The following SDC2 variants were observed in gnomAD, a reference collection of about 807,000 sequenced individuals.
SDC2 encodes syndecan 2.
SDC2 carries 13 observed loss-of-function variants against 22.2 expected under a neutral mutation model. The ratio of observed to expected loss-of-function variants is 0.59; its 90% CI spans 0.38 to 0.93. SDC2 has a LOEUF of 0.93. SDC2 is among the 40% of genes least tolerant of loss of function. SDC2 has a pLI of 0.00. For synonymous variants in SDC2, 94 were observed against 92.8 expected, an observed-to-expected ratio of 1.01 and a Z score of -0.07; for missense variants, 235 against 246.8, an observed-to-expected ratio of 0.95 and a Z score of 0.32.
At chr8:96,554,112 A>C (rs1337752100) in intron 1 of SDC2, among the ~76,000 whole-genome samples, 1 of 152,134 alleles carries the variant, frequency 6.6e-6, no homozygotes, top group Non-Finnish European at 1.5e-5. Context: ...AAAGATTCTT[A>C]ATCTGTCTGT....
chr8:96,589,752 C>G (rs1207578802), intron 1 of SDC2, among the ~76,000 whole-genome samples: 1 of 152,130 alleles, frequency 6.6e-6, no homozygotes, highest in Non-Finnish European at 1.5e-5. Flanking sequence ...TGGCAGGGAG[C>G]CAATAAAGGC....
At chr8:96,577,693 A>G (rs1423076519) in intron 1 of SDC2, among the ~76,000 whole-genome samples, 1 of 152,164 alleles carries the variant, frequency 6.6e-6, no homozygotes, top group Non-Finnish European at 1.5e-5. Flanking sequence ...TATCATACAG[A>G]ATAATTTCAC....
intron 3 of SDC2, among the ~76,000 whole-genome samples, 164 bp downstream of exon 3, chr8:96,602,692 G>A (rs985692883): frequency 6.6e-6 from 1 of 152,296 alleles, no homozygotes; most frequent in Non-Finnish European, 1.5e-5. Context: ...TTAAAATTGT[G>A]TAAGGACAAA....
chr8:96,581,220 G>A (rs941976633), intron 1 of SDC2, among the ~76,000 whole-genome samples: 3 of 152,122 alleles, frequency 2.0e-5, no homozygotes, highest in Non-Finnish European at 4.4e-5. Context: ...TGTTTTAAAC[G>A]TATTCTCAAA....
chr8:96,592,858 G>T (rs1212578140), intron 1 of SDC2, among the ~76,000 whole-genome samples: 1 of 152,236 alleles, frequency 6.6e-6, no homozygotes, highest in African/African-American at 2.4e-5. Flanking sequence ...TGTCAGGTGA[G>T]CCTCACGGGC....
intron 2 of SDC2, 109 bp downstream of exon 2, chr8:96,593,700 C>A: frequency 1.5e-6 from 1 of 686,794 alleles, no homozygotes; most frequent in Non-Finnish European, 2.5e-6. Context: ...TGGTTAAGGG[C>A]ACCGTCTTTG....
intron 1 of SDC2, among the ~76,000 whole-genome samples, chr8:96,577,429 G>C (rs890776825): frequency 2.6e-5 from 4 of 152,164 alleles, no homozygotes; most frequent in African/African-American, 7.2e-5. Context: ...TTTTTCGGTA[G>C]AGTCTTAGAT....
intron 1 of SDC2, among the ~76,000 whole-genome samples, chr8:96,547,019 T>A (rs1325249056): frequency 6.6e-6 from 1 of 152,244 alleles, no homozygotes; most frequent in Non-Finnish European, 1.5e-5. Context: ...ACTGGCATTT[T>A]CCACTCAGCC....
Position 96,593,569 on chromosome 8 carries a change from C to G in SDC2, c.150C>G (p.Asp50Glu), listed in dbSNP as rs1310893050. The change falls in exon 2 of 5, where the codon GAC (aspartate) becomes GAG (glutamate). Residue 50 changes from aspartate to glutamate, a missense_variant. Asp to Glu is a conservative substitution (Grantham distance 45). Transcript: ENST00000302190. ...ASGVYPIDDDDYASASGSGAD... is the reference protein window; with the variant it reads ...ASGVYPIDDDEYASASGSGAD... ...GAGTGTATCCTATTGATGACGATGACTACGCTTCTGCGTCTGGCTCGGGTA... is the reference window on the plus strand; with the variant it reads ...GAGTGTATCCTATTGATGACGATGAGTACGCTTCTGCGTCTGGCTCGGGTA... 2 of 1,613,206 alleles carry G rather than the reference C, an allele frequency of 1.2e-6. No individual in the cohort carries two copies. Among genetic ancestry groups the G allele is most frequent in the East Asian group, 4.5e-5 (2 of 44,872 alleles).
chr8:96,499,907 G>A (rs1425394453), intron 1 of SDC2, among the ~76,000 whole-genome samples: 2 of 152,108 alleles, frequency 1.3e-5, no homozygotes, highest in Non-Finnish European at 2.9e-5. Flanking sequence ...TCCTACTCCT[G>A]TGCAGTGCTG....
chr8:96,533,703 G>T (rs1813703931), intron 1 of SDC2, among the ~76,000 whole-genome samples: 1 of 152,172 alleles, frequency 6.6e-6, no homozygotes, highest in Non-Finnish European at 1.5e-5. Flanking sequence ...ACAGAGTGCT[G>T]ATTGGTGTAT....
intron 1 of SDC2, among the ~76,000 whole-genome samples, chr8:96,515,058 A>G (rs1813382618): frequency 6.6e-6 from 1 of 152,230 alleles, no homozygotes; most frequent in South Asian, 2.1e-4. Context: ...GGGTTCTTAT[A>G]GGCTGGCCTT....
chr8:96,508,164 C>CG (rs2130435038), intron 1 of SDC2, among the ~76,000 whole-genome samples: 1 of 152,128 alleles, frequency 6.6e-6, no homozygotes, highest in East Asian at 1.9e-4. Context: ...GGCATGGGGG[C>CG]GGGCGCCTGT....
intron 3 of SDC2, among the ~76,000 whole-genome samples, chr8:96,604,897 G>A (rs1815052422): frequency 6.6e-6 from 1 of 152,158 alleles, no homozygotes; most frequent in Non-Finnish European, 1.5e-5. Context: ...TTACCAAATG[G>A]TATCTTCTTA....
At chr8:96,597,642 A>G (rs1814901873) in intron 2 of SDC2, among the ~76,000 whole-genome samples, 1 of 152,248 alleles carries the variant, frequency 6.6e-6, no homozygotes, top group Non-Finnish European at 1.5e-5. Flanking sequence ...TGCTCGAACA[A>G]TGGCACAAAA....
At chr8:96,495,541 T>C (rs1813059907) in intron 1 of SDC2, among the ~76,000 whole-genome samples, 1 of 152,202 alleles carries the variant, frequency 6.6e-6, no homozygotes, top group African/African-American at 2.4e-5. Context: ...TTTCTGGCCC[T>C]TCTGGTTCCC....
chr8:96,513,767 G>A (rs1251872848), intron 1 of SDC2, among the ~76,000 whole-genome samples: 1 of 152,114 alleles, frequency 6.6e-6, no homozygotes, highest in Non-Finnish European at 1.5e-5. Context: ...TTCCGATCTC[G>A]ACTGAGTAAA....
At position 96,518,309 on chromosome 8, in the gene SDC2, G is replaced by A. The variant is rs374899147; in HGVS notation, c.60+23978G>A. On this transcript the variant is annotated intron_variant, in intron 1 of 4. Coordinates refer to ENST00000302190, the MANE Select transcript of SDC2 (RefSeq NM_002998.4). ...AAAACCCAAGACTTTCCTGTGACAC[G>A]GTGCACTTCTGCCTTGTGGACCTAG... Among the ~76,000 whole-genome samples the A allele has an allele frequency of 5.3e-5, 8 of 151,120 alleles. No individual in the cohort carries two copies. The South Asian group carries it at 1.5e-3, about 28-fold the overall frequency.
intron 1 of SDC2, among the ~76,000 whole-genome samples, chr8:96,553,453 T>G (rs1024278447): frequency 1.5e-4 from 3 of 19,402 alleles, no homozygotes; most frequent in Non-Finnish European, 1.2e-3. Flanking sequence ...ATTACAGGTT[T>G]TTTTTTTTTT....
Sources: allele counts gnomAD v4.1 joint callset (sites outside exome capture counted in the v4.1 genomes callset), GRCh38; gene constraint gnomAD v4.1.1; transcripts MANE v1.5; gene names NCBI Gene and HGNC (gene_info 2026-07-23, HGNC 2026-07-21).